Variants in GPR39 observed in about 807,000 individuals in gnomAD.
The protein encoded by GPR39 is G protein-coupled receptor 39.
Under a neutral mutation model 18.4 loss-of-function variants are expected in GPR39, and 23 were observed. The ratio of observed to expected loss-of-function variants is 1.25; its 90% CI spans 0.90 to 1.77. The LOEUF is 1.77. GPR39 is among the 40% of genes most tolerant of loss of function. The pLI, the probability that GPR39 is intolerant of heterozygous loss-of-function variation, is 0.00. For missense variants in GPR39, 647 were observed against 602.4 expected (o/e 1.07, Z -0.78); for synonymous variants, 280 against 257.9 (o/e 1.09, Z -0.82).
intron 1 of GPR39, among the ~76,000 whole-genome samples, chr2:132,421,201 C>G (rs571125697): frequency 4.9e-4 from 75 of 152,332 alleles, no homozygotes; most frequent in South Asian, 1.4e-3. Flanking sequence ...TCTTCTCTTT[C>G]TGAAGTCTCC....
intron 1 of GPR39, among the ~76,000 whole-genome samples, chr2:132,559,121 A>G (rs1465803377): frequency 1.3e-5 from 2 of 152,244 alleles, no homozygotes; most frequent in African/African-American, 2.4e-5. Flanking sequence ...GAGGGTTTTC[A>G]TGCTTGGAAA....
chr2:132,444,031 C>T (rs1023815196), intron 1 of GPR39, among the ~76,000 whole-genome samples: 1 of 152,100 alleles, frequency 6.6e-6, no homozygotes, highest in Admixed American at 6.5e-5. Context: ...GCCATGATTG[C>T]CCCACTGCAC....
chr2:132,531,507 A>G (rs1050548263), intron 1 of GPR39, among the ~76,000 whole-genome samples: 1 of 152,204 alleles, frequency 6.6e-6, no homozygotes, highest in Non-Finnish European at 1.5e-5. Flanking sequence ...AGTGGACCTA[A>G]TAGACAACTA....
intron 1 of GPR39, among the ~76,000 whole-genome samples, chr2:132,585,241 C>A (rs1573682063): frequency 1.3e-5 from 2 of 152,198 alleles, no homozygotes; most frequent in South Asian, 4.2e-4. Context: ...TCTCTGTGGG[C>A]CCTTGAAGCA....
At chr2:132,498,468 C>T (rs1323752751) in intron 1 of GPR39, among the ~76,000 whole-genome samples, 1 of 152,064 alleles carries the variant, frequency 6.6e-6, no homozygotes, top group Non-Finnish European at 1.5e-5. Flanking sequence ...TTTCTTTATC[C>T]ACTCATTGAT....
rs188636854 is a variant in GPR39 at position 132,420,871 on chromosome 2, G to A, written c.856+2973G>A. Reference sequence around the variant, plus strand: ...AACTCTGGGAGAGAAAGAGAGGCTGGGATACCTACTAGCTCTCAAGCAATT... The same window carrying A: ...AACTCTGGGAGAGAAAGAGAGGCTGAGATACCTACTAGCTCTCAAGCAATT... On this transcript the variant is annotated intron_variant, in intron 1 of 1. Transcript: ENST00000329321. Among the ~76,000 whole-genome samples, 90 of 152,274 alleles carry A rather than the reference G, an allele frequency of 5.9e-4. 1 individual carries two copies. The highest frequency in any genetic ancestry group is 1.1e-3 in the Non-Finnish European group (76 of 68,024).
intron 1 of GPR39, among the ~76,000 whole-genome samples, chr2:132,471,158 G>A (rs1326733417): frequency 1.3e-5 from 2 of 151,942 alleles, no homozygotes; most frequent in East Asian, 1.9e-4. Context: ...AAGCAAGGGG[G>A]TCTGTTGCAA....
chr2:132,600,508 A>G (rs1681021061), intron 1 of GPR39, among the ~76,000 whole-genome samples: 1 of 152,190 alleles, frequency 6.6e-6, no homozygotes, highest in Non-Finnish European at 1.5e-5. Flanking sequence ...GACTCAAACC[A>G]GAAATGAAAA....
At chr2:132,557,695 A>C (rs1198791156) in intron 1 of GPR39, among the ~76,000 whole-genome samples, 1 of 152,182 alleles carries the variant, frequency 6.6e-6, no homozygotes, top group African/African-American at 2.4e-5. Context: ...CCCTGAGCTT[A>C]AAAAATGAGG....
intron 1 of GPR39, among the ~76,000 whole-genome samples, chr2:132,421,582 G>T (rs1380063306): frequency 1.3e-5 from 2 of 152,170 alleles, no homozygotes. Context: ...ACATCTAGTG[G>T]CAGGGATTAC....
intron 1 of GPR39, among the ~76,000 whole-genome samples, chr2:132,605,268 A>C (rs557951447): frequency 6.6e-6 from 1 of 152,304 alleles, no homozygotes; most frequent in African/African-American, 2.4e-5. Context: ...GTGGCATCAG[A>C]AAGAGGTAAA....
chr2:132,525,137 C>T (rs1333208256), intron 1 of GPR39, among the ~76,000 whole-genome samples: 5 of 152,186 alleles, frequency 3.3e-5, no homozygotes, highest in African/African-American at 4.8e-5. Context: ...CCATGAAGCC[C>T]GTGGGTTTTC....
intron 1 of GPR39, among the ~76,000 whole-genome samples, chr2:132,526,066 A>G (rs886206723): frequency 1.3e-5 from 2 of 152,306 alleles, no homozygotes; most frequent in African/African-American, 4.8e-5. Flanking sequence ...GATATTTACT[A>G]TAACTTACTT....
At chr2:132,588,921 G>A (rs545566696) in intron 1 of GPR39, among the ~76,000 whole-genome samples, 1 of 152,134 alleles carries the variant, frequency 6.6e-6, no homozygotes, top group Non-Finnish European at 1.5e-5. Context: ...CAAATGGGGA[G>A]ATAGAGAAAC....
chr2:132,562,813 A>T (rs1366596148), intron 1 of GPR39, among the ~76,000 whole-genome samples: 3 of 152,180 alleles, frequency 2.0e-5, no homozygotes, highest in African/African-American at 7.2e-5. Flanking sequence ...TACATCTCTA[A>T]CTTCAGAACA....
intron 1 of GPR39, among the ~76,000 whole-genome samples, chr2:132,457,248 C>T (rs1680744873): frequency 6.6e-6 from 1 of 152,154 alleles, no homozygotes. Flanking sequence ...ATCACTGAAA[C>T]CCTTACTTCC....
At chr2:132,624,792 T>G (rs1408883975) in intron 1 of GPR39, among the ~76,000 whole-genome samples, 1 of 152,264 alleles carries the variant, frequency 6.6e-6, no homozygotes, top group African/African-American at 2.4e-5. Flanking sequence ...GTGTATAGTA[T>G]GTCGTTGCGT....
intron 1 of GPR39, among the ~76,000 whole-genome samples, chr2:132,443,287 G>A (rs900529551): frequency 4.6e-5 from 7 of 152,086 alleles, no homozygotes; most frequent in Non-Finnish European, 7.4e-5. Flanking sequence ...CTTTTATTGC[G>A]TAACTCATCC....
chr2:132,491,976 CATT>C (rs1031765155), intron 1 of GPR39, among the ~76,000 whole-genome samples: 3 of 151,392 alleles, frequency 2.0e-5, no homozygotes, highest in African/African-American at 4.9e-5. Flanking sequence ...CAAAAAAATT[CATT>C]ATTAATTTTC....
Sources: allele counts gnomAD v4.1 joint callset (sites outside exome capture counted in the v4.1 genomes callset), GRCh38; gene constraint gnomAD v4.1.1; transcripts MANE v1.5; gene names NCBI Gene and HGNC (gene_info 2026-07-23, HGNC 2026-07-21).